Variants in RIMBP2 observed in about 807,000 individuals in gnomAD.
RIMBP2 encodes RIMS-binding protein 2.
RIMBP2 carries 48 observed loss-of-function variants against 118.6 expected under a neutral mutation model. The observed-to-expected ratio is 0.40, with a 90% CI of 0.32 to 0.51. The LOEUF (loss-of-function observed/expected upper bound fraction) is 0.51, where lower values mean the gene tolerates loss of function less well. Among genes scored for constraint, RIMBP2 ranks in the 20% least tolerant of loss-of-function variants. The pLI is 0.41. For synonymous variants in RIMBP2, 762 were observed against 742.9 expected (o/e 1.03, Z -0.42); for missense variants, 1,551 against 1,768.3 (o/e 0.88, Z 2.20).
chr12:130,444,808 C>A (rs997400473), intron 10 of RIMBP2, among the ~76,000 whole-genome samples: 8 of 152,172 alleles, frequency 5.3e-5, no homozygotes, highest in Admixed American at 1.3e-4. Context: ...CTCTGGGAGA[C>A]CCTGAGGGTG....
At chr12:130,704,954 T>G (rs1476248891) in intron 1 of RIMBP2, among the ~76,000 whole-genome samples, 1 of 152,152 alleles carries the variant, frequency 6.6e-6, no homozygotes, top group Admixed American at 6.5e-5. Context: ...TGGGCTGCCA[T>G]GACAAATGAC....
intron 5 of RIMBP2, among the ~76,000 whole-genome samples, chr12:130,476,489 C>T (rs974504312): frequency 2.6e-5 from 4 of 152,202 alleles, no homozygotes; most frequent in African/African-American, 9.6e-5. Context: ...CACTCCAGCT[C>T]TGTGCCTCAG....
chr12:130,522,466 C>T (rs2052239299), intron 2 of RIMBP2, among the ~76,000 whole-genome samples: 3 of 152,238 alleles, frequency 2.0e-5, no homozygotes. Context: ...TGACAGCTGT[C>T]TGTGTCTTTA....
intron 6 of RIMBP2, among the ~76,000 whole-genome samples, chr12:130,459,329 A>G (rs552691448): frequency 6.6e-6 from 1 of 151,862 alleles, no homozygotes; most frequent in Admixed American, 6.6e-5. Flanking sequence ...CGAGAAAGCA[A>G]GTAAATTCCC....
chr12:130,589,827 C>A (rs1055201488), intron 2 of RIMBP2, among the ~76,000 whole-genome samples: 11 of 152,150 alleles, frequency 7.2e-5, no homozygotes, highest in Admixed American at 3.3e-4. Flanking sequence ...TTAGAGCCTA[C>A]CTTGAAGCCA....
intron 2 of RIMBP2, among the ~76,000 whole-genome samples, chr12:130,571,673 T>A (rs1014806413): frequency 2.6e-5 from 4 of 152,238 alleles, no homozygotes; most frequent in Middle Eastern, 3.4e-3. Context: ...GCTCAGACAG[T>A]TGGCACCACC....
rs527254906 is a variant in RIMBP2 at position 130,435,928 on chromosome 12, C to T, written c.2106+914G>A. The stretch of plus-strand genomic sequence containing the variant: ...ACCTCTCACAGTGCGTGCCCCGCCT[C>T]GGTTTCCCTGGCCCGGCCCCCAGCC... On this transcript the variant is annotated intron_variant, in intron 13 of 22. Coordinates refer to ENST00000690449, the MANE Select transcript of RIMBP2 (RefSeq NM_001393629.1). 1.6e-4 allele frequency among the ~76,000 whole-genome samples: 24 copies of T among 152,280 alleles called. 1 individual carries two copies. The South Asian group carries it at 3.7e-3, about 24-fold the overall frequency.
intron 1 of RIMBP2, among the ~76,000 whole-genome samples, chr12:130,700,501 C>A (rs1323506481): frequency 1.3e-5 from 2 of 152,112 alleles, no homozygotes; most frequent in African/African-American, 2.4e-5. Flanking sequence ...GGCCCTCAAT[C>A]CAACGAGAAT....
chr12:130,461,071 AC>A (rs1270705898), intron 6 of RIMBP2, among the ~76,000 whole-genome samples: 2 of 152,026 alleles, frequency 1.3e-5, no homozygotes, highest in Non-Finnish European at 2.9e-5. Context: ...CATCCGCACG[AC>A]CCAGCTACTT....
At chr12:130,696,031 A>T (rs777444482) in intron 1 of RIMBP2, among the ~76,000 whole-genome samples, 5 of 152,184 alleles carry the variant, frequency 3.3e-5, no homozygotes, top group Non-Finnish European at 7.3e-5. Context: ...TCAGATGTGC[A>T]TTGGGTCACC....
chr12:130,674,832 G>C (rs998791405), intron 1 of RIMBP2, among the ~76,000 whole-genome samples: 3 of 151,816 alleles, frequency 2.0e-5, no homozygotes, highest in Non-Finnish European at 4.4e-5. Flanking sequence ...TCGCCTGCTC[G>C]GGACGGGTCG....
chr12:130,502,589 C>T (rs375448664), intron 4 of RIMBP2, among the ~76,000 whole-genome samples: 24 of 152,230 alleles, frequency 1.6e-4, no homozygotes, highest in African/African-American at 5.3e-4. Context: ...CTAGGGAAGC[C>T]TCCTGGACCA....
At chr12:130,461,671 C>T (rs1334789521) in intron 6 of RIMBP2, among the ~76,000 whole-genome samples, 1 of 152,084 alleles carries the variant, frequency 6.6e-6, no homozygotes, top group Non-Finnish European at 1.5e-5. Flanking sequence ...CTGTCCTTGC[C>T]ATAATGAGCA....
chr12:130,467,654 A>T lies in RIMBP2; in HGVS notation c.153+3039T>A, dbSNP rs561198869. ...ATCCCTGTCTTAATAAATTGGCTGTATCTAGGCAACGGGCAAGGTGAACCC... is the reference window on the plus strand; with the variant it reads ...ATCCCTGTCTTAATAAATTGGCTGTTTCTAGGCAACGGGCAAGGTGAACCC... On this transcript the variant is annotated intron_variant, in intron 6 of 22. Coordinates refer to ENST00000690449, the MANE Select transcript of RIMBP2 (RefSeq NM_001393629.1). Among the ~76,000 whole-genome samples the T allele has an allele frequency of 2.6e-5, 4 of 152,350 alleles. No individual in the cohort carries two copies. In the East Asian group the frequency reaches 7.7e-4, roughly 29 times the overall value.
chr12:130,528,409 A>G (rs912445029), intron 2 of RIMBP2, among the ~76,000 whole-genome samples: 2 of 152,156 alleles, frequency 1.3e-5, no homozygotes, highest in African/African-American at 2.4e-5. Context: ...AAGAGAACAC[A>G]TGGACATAGG....
In RIMBP2 at chr12:130,485,725, C is replaced by T. The variant is rs968999715; in HGVS notation, c.-3-6709G>A. On this transcript the variant is annotated intron_variant, in intron 4 of 22. Transcript: ENST00000690449. ...CTCGCTAGGTAGATTCACCAGGCAC[C>T]GAAACAGCTCCGGGCGTGGTCCTGC... 2.6e-5 allele frequency among the ~76,000 whole-genome samples: 4 copies of T among 152,148 alleles called. No homozygotes were observed. The East Asian group carries it at 5.8e-4, about 22-fold the overall frequency.
At chr12:130,690,468 G>A (rs184432429) in intron 1 of RIMBP2, among the ~76,000 whole-genome samples, 91 of 152,312 alleles carry the variant, frequency 6.0e-4, no homozygotes, top group African/African-American at 2.1e-3. Context: ...GCAGAAAGAA[G>A]AAGAAACACA....
At chr12:130,575,271 G>A (rs993130734) in intron 2 of RIMBP2, among the ~76,000 whole-genome samples, 1 of 137,650 alleles carries the variant, frequency 7.3e-6, no homozygotes, top group African/African-American at 2.8e-5. Context: ...TAGAGTTGCT[G>A]GGGTCCCTGA....
At chr12:130,607,529 A>G (rs2060263448) in intron 2 of RIMBP2, among the ~76,000 whole-genome samples, 1 of 151,820 alleles carries the variant, frequency 6.6e-6, no homozygotes. Context: ...GCTCGGTGGG[A>G]ACATGCTGCT....
Sources: gnomAD v4.1 joint callset for allele counts (sites outside exome capture counted in the v4.1 genomes callset) on GRCh38, gnomAD v4.1.1 for gene constraint, MANE v1.5 for transcripts, NCBI Gene and HGNC (gene_info 2026-07-23, HGNC 2026-07-21) for gene names.